Variants in CCDC91 observed in about 807,000 individuals in gnomAD.
CCDC91 encodes the protein coiled-coil domain containing 91.
Under a neutral mutation model 63.2 loss-of-function variants are expected in CCDC91, and 48 were observed. The observed-to-expected ratio is 0.76, with a 90% CI of 0.60 to 0.97. The LOEUF (loss-of-function observed/expected upper bound fraction) is 0.97. Ranked by LOEUF, CCDC91 falls within the 50% of genes least tolerant of loss-of-function variation. The pLI, the probability that CCDC91 is intolerant of heterozygous loss-of-function variation, is 0.00. For synonymous variants in CCDC91, 167 were observed against 165.8 expected (o/e 1.01, Z -0.06); for missense variants, 500 against 494.6 (o/e 1.01, Z -0.10).
intron 7 of CCDC91, among the ~76,000 whole-genome samples, chr12:28,367,032 T>C (rs1292363739): frequency 1.3e-5 from 2 of 152,168 alleles, no homozygotes; most frequent in African/African-American, 4.8e-5. Flanking sequence ...GAAACATGAT[T>C]TCAAACGTCT....
At chr12:28,342,685 A>G (rs1942517604) in intron 6 of CCDC91, among the ~76,000 whole-genome samples, 1 of 152,162 alleles carries the variant, frequency 6.6e-6, no homozygotes, top group South Asian at 2.1e-4. Flanking sequence ...ATGAGGGAAT[A>G]TAGGATCTAG....
intron 8 of CCDC91, among the ~76,000 whole-genome samples, chr12:28,428,291 C>A (rs1948436495): frequency 6.6e-6 from 1 of 151,742 alleles, no homozygotes; most frequent in Non-Finnish European, 1.5e-5. Flanking sequence ...CCCTTTTTGG[C>A]CACGCGTAGT....
At chr12:28,287,810 G>A (rs1949002991) in intron 3 of CCDC91, among the ~76,000 whole-genome samples, 1 of 152,132 alleles carries the variant, frequency 6.6e-6, no homozygotes, top group Non-Finnish European at 1.5e-5. Context: ...CCATTTTAAT[G>A]ATATTGATTC....
chr12:28,269,787 CT>C (rs1187723686), intron 3 of CCDC91, among the ~76,000 whole-genome samples: 6 of 151,782 alleles, frequency 4.0e-5, no homozygotes, highest in African/African-American at 1.5e-4. Context: ...GTTGTAATTC[CT>C]TTGTTGGGCA....
At chr12:28,409,032 C>A (rs1347879177) in intron 8 of CCDC91, among the ~76,000 whole-genome samples, 1 of 152,150 alleles carries the variant, frequency 6.6e-6, no homozygotes, top group Non-Finnish European at 1.5e-5. Flanking sequence ...GATATGTTTT[C>A]TAAGTATAAA....
chr12:28,198,761 A>G (rs1256596825), intron 1 of CCDC91, among the ~76,000 whole-genome samples: 13 of 152,156 alleles, frequency 8.5e-5, no homozygotes, highest in South Asian at 6.2e-4. Context: ...CAATTAATGT[A>G]TTTACTAATG....
Position 28,267,972 on chromosome 12 carries a change from A to ATATATAATTATATATAATTAT in CCDC91, c.109+8536_109+8537insATTATATATAATTATTATATA, listed in dbSNP as rs1565701812. Among the ~76,000 whole-genome samples, 5 of 107,862 alleles carry ATATATAATTATATATAATTAT rather than the reference A, an allele frequency of 4.6e-5. No homozygotes were observed. The South Asian group carries it at 7.5e-4, about 16-fold the overall frequency. 70.8% of individuals were successfully genotyped at this position (107,862 alleles called of 152,430 possible). The stretch of plus-strand genomic sequence containing the variant: ...TATTATATATAATTATATATAATTA[A>ATATATAATTATATATAATTAT]TATATACCCAATCTTAATTATATAA... On this transcript the variant is annotated intron_variant, in intron 3 of 12. Coordinates refer to ENST00000536442, the MANE Select transcript of CCDC91 (RefSeq NM_018318.5).
chr12:28,412,870 CCCCAACT>C (rs1450658782), intron 8 of CCDC91: 1 of 440,010 alleles, frequency 2.3e-6, no homozygotes, highest in East Asian at 7.4e-5. Context: ...CAGGAAAGTT[CCCCAACT>C]CCCTACTCGA....
chr12:28,452,706 A>G (rs1949870529), intron 11 of CCDC91, 52 bp downstream of exon 11: 2 of 948,790 alleles, frequency 2.1e-6, no homozygotes, highest in Admixed American at 2.9e-5. Flanking sequence ...ATTTTTCTCA[A>G]AATGAAGTAC....
At chr12:28,271,222 A>G (rs528187711) in intron 3 of CCDC91, among the ~76,000 whole-genome samples, 47 of 151,558 alleles carry the variant, frequency 3.1e-4, no homozygotes, top group African/African-American at 1.1e-3. Context: ...AGAGGGAAAC[A>G]GAGAGCATGT....
At chr12:28,536,690 T>G (rs1942205329) in intron 12 of CCDC91, among the ~76,000 whole-genome samples, 2 of 152,188 alleles carry the variant, frequency 1.3e-5, no homozygotes, top group Non-Finnish European at 2.9e-5. Context: ...GAACACTGCT[T>G]GGGATATAAG....
intron 12 of CCDC91, among the ~76,000 whole-genome samples, chr12:28,542,709 C>T (rs2141827666): frequency 6.6e-6 from 1 of 152,188 alleles, no homozygotes; most frequent in East Asian, 1.9e-4. Context: ...TTCAGAGTCT[C>T]TTTCAGTGAT....
chr12:28,496,122 C>T (rs550506078), intron 12 of CCDC91, among the ~76,000 whole-genome samples: 17 of 151,456 alleles, frequency 1.1e-4, no homozygotes, highest in African/African-American at 2.9e-4. Context: ...TTTATTAAAA[C>T]GATATTAGGT....
intron 11 of CCDC91, among the ~76,000 whole-genome samples, chr12:28,473,039 A>G (rs12809987): frequency 6.6e-6 from 1 of 152,312 alleles, no homozygotes; most frequent in East Asian, 1.9e-4. Context: ...TGACTACCCC[A>G]TAGTATAAGT....
intron 1 of CCDC91, among the ~76,000 whole-genome samples, chr12:28,253,211 A>G (rs1243789281): frequency 6.6e-6 from 1 of 152,156 alleles, no homozygotes; most frequent in African/African-American, 2.4e-5. Flanking sequence ...TCATGGGTTG[A>G]GTAGATTCAT....
chr12:28,259,283 T>C (rs1404230165), intron 2 of CCDC91, 81 bp from the exon 3 acceptor site: 2 of 967,434 alleles, frequency 2.1e-6, no homozygotes, highest in Non-Finnish European at 1.7e-6. Flanking sequence ...AAGATATGCC[T>C]ATTGAACTGG....
At chr12:28,396,152 C>G (rs1458623143) in intron 8 of CCDC91, among the ~76,000 whole-genome samples, 1 of 152,154 alleles carries the variant, frequency 6.6e-6, no homozygotes, top group African/African-American at 2.4e-5. Context: ...GATGAGTTCT[C>G]TCAAAGTTAA....
At chr12:28,388,716 A>G (rs1186872426) in intron 7 of CCDC91, among the ~76,000 whole-genome samples, 2 of 152,226 alleles carry the variant, frequency 1.3e-5, no homozygotes, top group East Asian at 3.9e-4. Flanking sequence ...ATTTCCATCA[A>G]AATACCACCT....
At chr12:28,298,377 TC>T (rs1555177592) in intron 3 of CCDC91, among the ~76,000 whole-genome samples, 42 of 145,044 alleles carry the variant, frequency 2.9e-4, no homozygotes, top group Middle Eastern at 7.0e-3. Flanking sequence ...TTTTTTTTTT[TC>T]CCCCCACAAA....
Sources: allele counts gnomAD v4.1 joint callset (sites outside exome capture counted in the v4.1 genomes callset), GRCh38; gene constraint gnomAD v4.1.1; transcripts MANE v1.5; gene names NCBI Gene and HGNC (gene_info 2026-07-23, HGNC 2026-07-21).